TENM3: variants seen among roughly 807,000 people sequenced by gnomAD.
TENM3 encodes teneurin transmembrane protein 3.
TENM3 carries 63 observed loss-of-function variants against 255.1 expected under a neutral mutation model. The observed-to-expected ratio is 0.25, with a 90% CI of 0.20 to 0.30. The LOEUF is 0.30. Among genes scored for constraint, TENM3 ranks in the 10% least tolerant of loss-of-function variants. The probability of loss-of-function intolerance (pLI) is 1.00; values close to 1 mark genes in which losing one functional copy is unlikely to be tolerated. For missense variants in TENM3, 2,929 were observed against 3,461.1 expected, an observed-to-expected ratio of 0.85 and a Z score of 3.86; for synonymous variants, 1,306 against 1,322.3, an observed-to-expected ratio of 0.99 and a Z score of 0.27.
chr4:182,183,561 T>C (rs1752965187), intron 1 of TENM3, among the ~76,000 whole-genome samples: 1 of 152,138 alleles, frequency 6.6e-6, no homozygotes, highest in Admixed American at 6.6e-5. Flanking sequence ...TGGGGAAGGA[T>C]AATTTCCTTT....
intron 4 of TENM3, among the ~76,000 whole-genome samples, chr4:182,615,719 T>G (rs1749441322): frequency 6.7e-6 from 1 of 149,110 alleles, no homozygotes; most frequent in African/African-American, 2.5e-5. Context: ...AAAAGGGGGA[T>G]GTTGAAAAGT....
At chr4:182,245,183 G>A (rs1757560231) in intron 1 of TENM3, among the ~76,000 whole-genome samples, 1 of 152,166 alleles carries the variant, frequency 6.6e-6, no homozygotes. Context: ...CATTGGGTGA[G>A]TTTACTTAAT....
chr4:182,351,580 T>TC (rs1765186467), intron 3 of TENM3, among the ~76,000 whole-genome samples: 1 of 152,184 alleles, frequency 6.6e-6, no homozygotes, highest in African/African-American at 2.4e-5. Flanking sequence ...AGTTCCTTCT[T>TC]CCAGCCTCCT....
At chr4:181,916,124 C>T in the TENM3 span, among the ~76,000 whole-genome samples, 1 of 152,050 alleles carries the variant, frequency 6.6e-6, no homozygotes, top group African/African-American at 2.4e-5. Flanking sequence ...TCTGCTCCCC[C>T]TAAAAGACTC....
At chr4:181,484,247 G>T in the TENM3 span, among the ~76,000 whole-genome samples, 764 of 152,096 alleles carry the variant, frequency 5.0e-3, 6 homozygotes, top group African/African-American at 0.017. Flanking sequence ...CATTTTGCTT[G>T]ATCACTCGGG....
rs1480797756 is a variant in TENM3 at position 182,743,385 on chromosome 4, C to T, written c.3595C>T (p.Pro1199Ser). The change falls in exon 19 of 28, where the codon CCT becomes TCT. Residue 1199 changes from proline (P) to serine (S), a missense_variant. Pro to Ser is a moderately conservative substitution (Grantham distance 74). Around this residue, in one of 6 missense-constraint regions of TENM3, gnomAD observed 1,608 missense variants for 1,884.4 expected, o/e 0.85. Coordinates refer to ENST00000511685, the MANE Select transcript of TENM3 (RefSeq NM_001080477.4). ...GDFNYVRRIF[P>S]SGNVTSVLEL... ...TTTCAACTATGTGCGGCGGATATTCCCTTCTGGAAATGTAACAAGTGTCTT... is the reference window on the plus strand; with the variant it reads ...TTTCAACTATGTGCGGCGGATATTCTCTTCTGGAAATGTAACAAGTGTCTT... 6.2e-7 allele frequency: 1 copy of T among 1,613,776 alleles called. No homozygotes were observed. Among genetic ancestry groups the T allele is most frequent in the Non-Finnish European group, 8.5e-7 (1 of 1,179,840 alleles).
the TENM3 span, among the ~76,000 whole-genome samples, chr4:181,725,731 C>T: frequency 3.9e-5 from 6 of 152,190 alleles, no homozygotes; most frequent in East Asian, 1.9e-4. Flanking sequence ...CGTGAACCAC[C>T]GCACCCAGCC....
the TENM3 span, among the ~76,000 whole-genome samples, chr4:181,919,695 T>C: frequency 6.6e-6 from 1 of 151,964 alleles, no homozygotes; most frequent in Non-Finnish European, 1.5e-5. Context: ...ACCACCAAGG[T>C]TGTTCACTAT....
chr4:181,793,113 C>T, the TENM3 span, among the ~76,000 whole-genome samples: 1 of 152,204 alleles, frequency 6.6e-6, no homozygotes, highest in African/African-American at 2.4e-5. Flanking sequence ...ATGTTCTGCT[C>T]TCCTTGCCCC....
At chr4:182,119,292 G>A in the TENM3 span, among the ~76,000 whole-genome samples, 145,498 of 152,272 alleles carry the variant, frequency 0.96, 69,526 homozygotes, top group East Asian at 0.99. Flanking sequence ...GCCGAAGCAC[G>A]AAGAAATATT....
chr4:181,947,144 CAGAAGCTATAAACATG>C, the TENM3 span, among the ~76,000 whole-genome samples: 9 of 152,148 alleles, frequency 5.9e-5, no homozygotes, highest in African/African-American at 2.2e-4. Flanking sequence ...GAGTCAGGCA[CAGAAGCTATAAACATG>C]AGTACATTGT....
chr4:182,470,500 A>T (rs1235569987), intron 3 of TENM3, among the ~76,000 whole-genome samples: 1 of 152,188 alleles, frequency 6.6e-6, no homozygotes, highest in Non-Finnish European at 1.5e-5. Flanking sequence ...TAGACCATAG[A>T]ATAGGATGTA....
intron 3 of TENM3, among the ~76,000 whole-genome samples, chr4:182,372,549 T>C (rs552547421): frequency 1.3e-5 from 2 of 152,324 alleles, no homozygotes; most frequent in Non-Finnish European, 2.9e-5. Flanking sequence ...TAAGCATTTG[T>C]GATGCATCTT....
chr4:182,108,484 A>G, the TENM3 span, among the ~76,000 whole-genome samples: 1 of 152,226 alleles, frequency 6.6e-6, no homozygotes, highest in African/African-American at 2.4e-5. Context: ...AAACAAGTTG[A>G]ATCACAAAAT....
At chr4:181,940,156 C>G in the TENM3 span, among the ~76,000 whole-genome samples, 1 of 152,174 alleles carries the variant, frequency 6.6e-6, no homozygotes, top group Non-Finnish European at 1.5e-5. Context: ...TATAGCATCT[C>G]TGCATACACA....
chr4:182,102,606 G>A, the TENM3 span, among the ~76,000 whole-genome samples: 13 of 152,138 alleles, frequency 8.5e-5, no homozygotes, highest in African/African-American at 1.9e-4. Context: ...TCTGAATCAC[G>A]TGTCTGTGGA....
chr4:181,613,591 T>C, the TENM3 span, among the ~76,000 whole-genome samples: 1 of 152,190 alleles, frequency 6.6e-6, no homozygotes, highest in Admixed American at 6.5e-5. Context: ...CCGCTGACTT[T>C]GTATTATGTC....
rs78815138 is a variant in TENM3, at chr4:182,243,820, T to A, written c.-76+344T>A. ...ATGTCTGTTGACTTAAATATTGGTT[T>A]TCTTTTGTGACTGAGGTTCCAGTAC... On this transcript the variant is annotated intron_variant, in intron 1 of 27. Coordinates refer to ENST00000511685, the MANE Select transcript of TENM3 (RefSeq NM_001080477.4). 1.3e-4 allele frequency among the ~76,000 whole-genome samples: 20 copies of A among 152,276 alleles called. No homozygotes were observed. In the South Asian group the frequency reaches 3.7e-3, roughly 28 times the overall value.
chr4:181,535,120 C>T, the TENM3 span, among the ~76,000 whole-genome samples: 3 of 152,064 alleles, frequency 2.0e-5, no homozygotes, highest in African/African-American at 7.3e-5. Context: ...AAAGAGTCTC[C>T]GGATGTCACA....
Sources: gnomAD v4.1 joint callset for allele counts (sites outside exome capture counted in the v4.1 genomes callset) on GRCh38, gnomAD v4.1.1 for gene constraint, gnomAD v4.1.1 regional missense constraint, MANE v1.5 for transcripts, NCBI Gene and HGNC (gene_info 2026-07-23, HGNC 2026-07-21) for gene names.